GRIP1: variants seen among roughly 807,000 people sequenced by gnomAD.
GRIP1 encodes glutamate receptor-interacting protein 1.
GRIP1 carries 45 observed loss-of-function variants against 129.9 expected under a neutral mutation model. That is an observed-to-expected ratio of 0.35 (90% CI 0.27 to 0.44). The LOEUF is 0.44. GRIP1 is among the 20% of genes least tolerant of loss of function. GRIP1 has a pLI of 1.00. For synonymous variants in GRIP1, 530 were observed against 520.8 expected (o/e 1.02, Z -0.24); for missense variants, 1,196 against 1,396.8 (o/e 0.86, Z 2.29).
intron 1 of GRIP1, among the ~76,000 whole-genome samples, chr12:66,690,463 G>C (rs1208207344): frequency 6.6e-6 from 1 of 151,000 alleles, no homozygotes; most frequent in Non-Finnish European, 1.5e-5. Flanking sequence ...TCCACATATT[G>C]GCTACTGTGC....
intron 1 of GRIP1, among the ~76,000 whole-genome samples, chr12:66,818,427 C>A (rs2039262265): frequency 6.6e-6 from 1 of 152,144 alleles, no homozygotes. Flanking sequence ...CAAATGAATT[C>A]ATCTTGTTCA....
At chr12:67,011,556 A>G (rs2042707545) in intron 1 of GRIP1, among the ~76,000 whole-genome samples, 1 of 151,854 alleles carries the variant, frequency 6.6e-6, no homozygotes, top group African/African-American at 2.4e-5. Context: ...TTCCTTCTGC[A>G]GAATTCCATG....
At position 66,726,441 on chromosome 12, in the gene GRIP1, C is replaced by T. The variant is rs370147242; in HGVS notation, c.-420+77612G>A. Among the ~76,000 whole-genome samples, 68 of 152,212 alleles carry T rather than the reference C, an allele frequency of 4.5e-4. 2 individuals carry two copies. The highest frequency in any genetic ancestry group is 1.5e-3 in the African/African-American group (63 of 41,528). On this transcript the variant is annotated intron_variant, in intron 1 of 4. Transcript: ENST00000538373. ...ATAAAATGGAAATGACTGCCCTAGA[C>T]GCCTGAAAGAATATAGGGCATAACT...
At chr12:66,804,769 G>A (rs970112676), upstream of GRIP1, among the ~76,000 whole-genome samples, 5 of 152,192 alleles carry the variant, frequency 3.3e-5, no homozygotes, top group Non-Finnish European at 7.3e-5. Context: ...GAAACCTCTT[G>A]AAAAGCTATT....
At chr12:66,989,849 A>G (rs1214736782) in intron 1 of GRIP1, among the ~76,000 whole-genome samples, 1 of 152,210 alleles carries the variant, frequency 6.6e-6, no homozygotes, top group East Asian at 1.9e-4. Context: ...AATAAATACA[A>G]TCAGCTCTAT....
chr12:66,619,500 G>A (rs2065180001), intron 1 of GRIP1, among the ~76,000 whole-genome samples: 1 of 151,946 alleles, frequency 6.6e-6, no homozygotes, highest in African/African-American at 2.4e-5. Context: ...AAAAATAGCA[G>A]CCCACAAAAT....
At chr12:66,711,318 T>C (rs1288872894) in intron 1 of GRIP1, among the ~76,000 whole-genome samples, 1 of 151,928 alleles carries the variant, frequency 6.6e-6, no homozygotes, top group East Asian at 1.9e-4. Flanking sequence ...ATGTCAGTTG[T>C]CATTAGTAAA....
chr12:66,612,640 A>G (rs911829993), intron 1 of GRIP1, among the ~76,000 whole-genome samples: 7 of 148,698 alleles, frequency 4.7e-5, no homozygotes, highest in African/African-American at 1.7e-4. Flanking sequence ...GTTCAAAACA[A>G]ACAAACCACA....
intron 1 of GRIP1, among the ~76,000 whole-genome samples, chr12:66,864,312 T>C (rs979351807): frequency 6.6e-6 from 1 of 151,866 alleles, no homozygotes; most frequent in Non-Finnish European, 1.5e-5. Flanking sequence ...TTATAAATCA[T>C]TATACTTATT....
At chr12:66,937,985 A>G (rs1353201408) in intron 1 of GRIP1, among the ~76,000 whole-genome samples, 1 of 152,212 alleles carries the variant, frequency 6.6e-6, no homozygotes, top group Non-Finnish European at 1.5e-5. Context: ...CTGAATTGAA[A>G]CATATTATTG....
intron 14 of GRIP1, 91 bp downstream of exon 14, chr12:66,432,457 A>G: frequency 1.3e-6 from 1 of 767,424 alleles, no homozygotes. Flanking sequence ...TCGCAAAGAC[A>G]TATAAAACAT....
chr12:66,463,885 GA>G (rs780402150), intron 8 of GRIP1, among the ~76,000 whole-genome samples: 44 of 152,218 alleles, frequency 2.9e-4, no homozygotes, highest in Middle Eastern at 6.8e-3. Flanking sequence ...TGTGGAATGG[GA>G]AAAAACAGAG....
At chr12:66,928,398 C>CT (rs1291991122) in intron 1 of GRIP1, among the ~76,000 whole-genome samples, 2 of 152,246 alleles carry the variant, frequency 1.3e-5, no homozygotes, top group Non-Finnish European at 2.9e-5. Flanking sequence ...TCTCTCTAAC[C>CT]TTTGTGTTTA....
intron 1 of GRIP1, among the ~76,000 whole-genome samples, chr12:66,674,661 T>C (rs1286440292): frequency 1.3e-5 from 2 of 152,182 alleles, no homozygotes; most frequent in Admixed American, 6.5e-5. Flanking sequence ...TTCAGTTCTC[T>C]CTGGAAACAA....
At chr12:66,943,227 A>C (rs923512099) in intron 1 of GRIP1, among the ~76,000 whole-genome samples, 2 of 152,232 alleles carry the variant, frequency 1.3e-5, no homozygotes, top group African/African-American at 2.4e-5. Context: ...ACCCAAAGAG[A>C]GAATGGTGCA....
chr12:66,637,330 G>T (rs1457513209), intron 1 of GRIP1, among the ~76,000 whole-genome samples: 1 of 151,976 alleles, frequency 6.6e-6, no homozygotes, highest in Non-Finnish European at 1.5e-5. Flanking sequence ...GCTTAACATG[G>T]TTACCAATAT....
chr12:66,697,662 G>A (rs960182757), intron 1 of GRIP1, among the ~76,000 whole-genome samples: 2 of 152,198 alleles, frequency 1.3e-5, no homozygotes, highest in Non-Finnish European at 2.9e-5. Context: ...ACTGAGCTGA[G>A]TCAGGCACAG....
intron 1 of GRIP1, among the ~76,000 whole-genome samples, chr12:66,929,654 A>G (rs544283955): frequency 1.3e-5 from 2 of 151,590 alleles, no homozygotes; most frequent in Non-Finnish European, 2.9e-5. Context: ...TGCCTGCTCA[A>G]GTATTACCTG....
chr12:66,964,182 G>T (rs1241242111), intron 1 of GRIP1, among the ~76,000 whole-genome samples: 1 of 152,070 alleles, frequency 6.6e-6, no homozygotes, highest in Non-Finnish European at 1.5e-5. Flanking sequence ...AATAAATCAT[G>T]CAGTTTACTC....
Sources: allele counts gnomAD v4.1 joint callset (sites outside exome capture counted in the v4.1 genomes callset), GRCh38; gene constraint gnomAD v4.1.1; transcripts MANE v1.5; gene names NCBI Gene and HGNC (gene_info 2026-07-23, HGNC 2026-07-21).